Variants in TMTC2 observed in about 807,000 individuals in gnomAD.
TMTC2 encodes the protein transmembrane O-mannosyltransferase targeting cadherins 2, also known as protein O-mannosyl-transferase TMTC2.
In TMTC2, 43 loss-of-function variants were observed where a neutral mutation model predicts 82.4. The observed-to-expected ratio is 0.52, with a 90% confidence interval of 0.41 to 0.67. The LOEUF is 0.67. TMTC2 is among the 30% of genes least tolerant of loss of function. The pLI, the probability that TMTC2 is intolerant of heterozygous loss-of-function variation, is 0.00. For missense variants in TMTC2, 919 were observed against 1,012.4 expected (o/e 0.91, Z 1.25); for synonymous variants, 408 against 381.9 (o/e 1.07, Z -0.80).
rs142100683 is a variant in TMTC2, at chr12:82,739,232, TCATACTGC to T, written c.83+51566_83+51573del. On this transcript the variant is annotated intron_variant, in intron 1 of 11. Coordinates refer to ENST00000321196, the MANE Select transcript of TMTC2 (RefSeq NM_152588.3). ...ATGAATATGGCAGTGATTGTAAATA[TCATACTGC>T]CAAACATTTTAAACAGTGCCAGAAA... 6.1e-3 allele frequency among the ~76,000 whole-genome samples: 935 copies of T among 152,042 alleles called. 14 individuals carry two copies. The highest frequency in any genetic ancestry group is 0.022 in the African/African-American group (906 of 41,468).
intron 1 of TMTC2, among the ~76,000 whole-genome samples, chr12:82,713,957 T>C (rs1231892722): frequency 2.0e-5 from 3 of 152,234 alleles, no homozygotes; most frequent in Non-Finnish European, 4.4e-5. Flanking sequence ...GGTGCCAGCC[T>C]GTGTCCTAAG....
intron 2 of TMTC2, among the ~76,000 whole-genome samples, chr12:82,887,006 ATT>A (rs1172487291): frequency 1.3e-5 from 2 of 152,130 alleles, no homozygotes; most frequent in African/African-American, 4.8e-5. Context: ...AAGGTGCTAG[ATT>A]TTTGTTATGT....
chr12:82,796,195 G>T (rs1056329414), intron 1 of TMTC2, among the ~76,000 whole-genome samples: 2 of 152,106 alleles, frequency 1.3e-5, no homozygotes, highest in Non-Finnish European at 1.5e-5. Context: ...TTGTAGCCGG[G>T]ACGACCTGGC....
chr12:83,040,832 C>T (rs141876973), intron 9 of TMTC2, among the ~76,000 whole-genome samples: 88 of 151,986 alleles, frequency 5.8e-4, no homozygotes, highest in African/African-American at 2.1e-3. Context: ...CTACAGGTGC[C>T]CGCCACCACG....
At chr12:82,976,061 A>G (rs1358252531) in intron 7 of TMTC2, among the ~76,000 whole-genome samples, 1 of 152,158 alleles carries the variant, frequency 6.6e-6, no homozygotes, top group Non-Finnish European at 1.5e-5. Context: ...ACTCGTGAAT[A>G]TGCACACACA....
chr12:82,932,948 TGTC>T, intron 4 of TMTC2, among the ~76,000 whole-genome samples: 1 of 152,204 alleles, frequency 6.6e-6, no homozygotes, highest in Non-Finnish European at 1.5e-5. Flanking sequence ...ATCTTAGGAC[TGTC>T]TGTCTGTGGA....
At chr12:82,941,565 C>G (rs1204954749) in intron 4 of TMTC2, among the ~76,000 whole-genome samples, 2 of 152,186 alleles carry the variant, frequency 1.3e-5, no homozygotes, top group Non-Finnish European at 2.9e-5. Flanking sequence ...TGACCCACTT[C>G]TTTTCTAGCT....
chr12:83,053,126 T>C (rs1882413778), intron 10 of TMTC2, among the ~76,000 whole-genome samples: 2 of 152,204 alleles, frequency 1.3e-5, no homozygotes, highest in Admixed American at 1.3e-4. Context: ...GAAAGGTTAC[T>C]GGTTTCCCCT....
At position 82,845,252 on chromosome 12, in the gene TMTC2, A is replaced by AAAAT. The variant is rs1555190264; in HGVS notation, c.84-11757_84-11756insAATA. Reference sequence around the variant, plus strand: ...AAAAAAAAAAAAAAAAAAAAAAAAAAATATATATATATATATATATATTGA... The same window carrying AAAAT: ...AAAAAAAAAAAAAAAAAAAAAAAAAAAAATATATATATATATATATATATATTGA... On this transcript the variant is annotated intron_variant, in intron 1 of 11. Coordinates refer to ENST00000321196, the MANE Select transcript of TMTC2 (RefSeq NM_152588.3). Among the ~76,000 whole-genome samples the AAAAT allele has an allele frequency of 2.7e-3, 103 of 38,720 alleles. 1 individual carries two copies. Among genetic ancestry groups the AAAAT allele is most frequent in the Non-Finnish European group, 2.9e-3 (64 of 22,294 alleles). 25.4% of individuals were successfully genotyped at this position (38,720 alleles called of 152,430 possible).
intron 9 of TMTC2, among the ~76,000 whole-genome samples, chr12:83,041,408 A>C (rs528373346): frequency 4.6e-5 from 7 of 152,320 alleles, no homozygotes; most frequent in African/African-American, 1.4e-4. Context: ...TATGGCCTAA[A>C]GTTGTAAGGA....
chr12:82,905,315 G>T (rs949568226), intron 3 of TMTC2, among the ~76,000 whole-genome samples: 2 of 152,044 alleles, frequency 1.3e-5, no homozygotes, highest in African/African-American at 4.8e-5. Context: ...GCTTGCTAAA[G>T]GCATTTTAAA....
intron 11 of TMTC2, among the ~76,000 whole-genome samples, chr12:83,083,267 T>C (rs1883534684): frequency 1.3e-5 from 2 of 152,230 alleles, no homozygotes; most frequent in Admixed American, 1.3e-4. Flanking sequence ...AGATTGGCAT[T>C]ATCTGTCTCT....
chr12:82,753,393 A>T (rs1565735405), intron 1 of TMTC2, among the ~76,000 whole-genome samples: 1 of 151,324 alleles, frequency 6.6e-6, no homozygotes, highest in Non-Finnish European at 1.5e-5. Context: ...ATGTGTAAAC[A>T]TTCTTTAAAC....
At chr12:83,009,564 G>A (rs956309697) in intron 8 of TMTC2, among the ~76,000 whole-genome samples, 2 of 152,090 alleles carry the variant, frequency 1.3e-5, no homozygotes, top group Non-Finnish European at 2.9e-5. Context: ...AAAAATCATT[G>A]ATTTCCAGTT....
chr12:82,968,552 C>T (rs1169704510), intron 7 of TMTC2, among the ~76,000 whole-genome samples: 1 of 152,114 alleles, frequency 6.6e-6, no homozygotes, highest in Non-Finnish European at 1.5e-5. Context: ...GTTTTCCTCA[C>T]TTATCAAATA....
chr12:82,750,640 G>T (rs1302065027), intron 1 of TMTC2, among the ~76,000 whole-genome samples: 1 of 152,062 alleles, frequency 6.6e-6, no homozygotes, highest in Non-Finnish European at 1.5e-5. Flanking sequence ...CGTCAGTCCT[G>T]TGAGATATTA....
intron 1 of TMTC2, among the ~76,000 whole-genome samples, chr12:82,717,371 C>T (rs1001905178): frequency 2.6e-5 from 4 of 151,944 alleles, no homozygotes; most frequent in Non-Finnish European, 4.4e-5. Context: ...ATTACAGGTG[C>T]TCACCACCAT....
chr12:83,123,604 A>G (rs993470051), intron 11 of TMTC2, among the ~76,000 whole-genome samples: 8 of 151,944 alleles, frequency 5.3e-5, no homozygotes, highest in Non-Finnish European at 1.0e-4. Flanking sequence ...GTAAGGACTT[A>G]TTTTTTTCAT....
chr12:83,058,713 G>A (rs2137468179), intron 10 of TMTC2, among the ~76,000 whole-genome samples: 1 of 151,912 alleles, frequency 6.6e-6, no homozygotes, highest in African/African-American at 2.4e-5. Context: ...CCTCACTCCT[G>A]GCTTTGTAAA....
Sources: allele counts gnomAD v4.1 joint callset (sites outside exome capture counted in the v4.1 genomes callset), GRCh38; gene constraint gnomAD v4.1.1; transcripts MANE v1.5; gene names NCBI Gene and HGNC (gene_info 2026-07-23, HGNC 2026-07-21).